STAG1: variants seen among roughly 807,000 people sequenced by gnomAD.
STAG1 encodes the protein cohesin subunit SA-1.
A neutral mutation model predicts 170.9 loss-of-function variants in STAG1; 26 were observed. The ratio of observed to expected loss-of-function variants is 0.15; its 90% CI spans 0.11 to 0.21. The LOEUF (loss-of-function observed/expected upper bound fraction) is 0.21. STAG1 is among the 10% of genes least tolerant of loss of function. The pLI is 1.00. For missense variants in STAG1, 964 were observed against 1,509.5 expected (o/e 0.64, Z 5.99); for synonymous variants, 514 against 497.7 (o/e 1.03, Z -0.44).
At chr3:136,508,464 G>A (rs1933879884) in intron 7 of STAG1, among the ~76,000 whole-genome samples, 1 of 152,156 alleles carries the variant, frequency 6.6e-6, no homozygotes, top group African/African-American at 2.4e-5. Context: ...GAGGTGAAAG[G>A]ATGACTTGAG....
At chr3:136,701,572 A>G (rs1449257249) in intron 1 of STAG1, among the ~76,000 whole-genome samples, 1 of 152,204 alleles carries the variant, frequency 6.6e-6, no homozygotes, top group African/African-American at 2.4e-5. Context: ...TCTGCCACTT[A>G]ACAGCCGGTA....
chr3:136,719,793 T>C (rs979875045), intron 1 of STAG1, among the ~76,000 whole-genome samples: 1 of 152,036 alleles, frequency 6.6e-6, no homozygotes, highest in Admixed American at 6.6e-5. Context: ...TCCATACTCT[T>C]CCTAGATGCA....
chr3:136,561,846 G>C (rs1181927526), intron 5 of STAG1, among the ~76,000 whole-genome samples: 1 of 143,822 alleles, frequency 7.0e-6, no homozygotes, highest in Non-Finnish European at 1.5e-5. Context: ...TTTGTACTTT[G>C]ACATAATTTT....
At chr3:136,465,385 A>T (rs1391068774) in intron 12 of STAG1, among the ~76,000 whole-genome samples, 1 of 151,546 alleles carries the variant, frequency 6.6e-6, no homozygotes, top group Non-Finnish European at 1.5e-5. Context: ...ACGCTCAGCT[A>T]ATTTTTTGTA....
intron 1 of STAG1, among the ~76,000 whole-genome samples, chr3:136,743,842 A>T (rs1934801165): frequency 6.6e-6 from 1 of 152,234 alleles, no homozygotes; most frequent in Admixed American, 6.5e-5. Flanking sequence ...TCAAAATAAT[A>T]GTAAATACAA....
chr3:136,472,531 A>C, intron 11 of STAG1, 39 bp from the exon 12 acceptor site: 1 of 1,424,506 alleles, frequency 7.0e-7, no homozygotes, highest in Non-Finnish European at 9.9e-7. Flanking sequence ...AACTATGAAC[A>C]GAAAATAAGC....
At chr3:136,567,618 T>C (rs1937131084) in intron 5 of STAG1, among the ~76,000 whole-genome samples, 1 of 152,222 alleles carries the variant, frequency 6.6e-6, no homozygotes, top group South Asian at 2.1e-4. Context: ...TCCCACAGTG[T>C]CTTGTGGCTG....
chr3:136,648,400 A>G (rs899032186), intron 1 of STAG1, among the ~76,000 whole-genome samples: 23 of 152,230 alleles, frequency 1.5e-4, no homozygotes, highest in Non-Finnish European at 2.8e-4. Context: ...GGTTGTTAAC[A>G]TTAATTTTCA....
chr3:136,647,412 A>G (rs1223324216), intron 1 of STAG1, among the ~76,000 whole-genome samples: 3 of 152,084 alleles, frequency 2.0e-5, no homozygotes, highest in Admixed American at 2.0e-4. Flanking sequence ...TCTACTAAAA[A>G]TACAAAATTA....
chr3:136,540,983 A>G (rs1935875487), intron 6 of STAG1, among the ~76,000 whole-genome samples: 1 of 151,648 alleles, frequency 6.6e-6, no homozygotes, highest in African/African-American at 2.4e-5. Context: ...TTCCATTTTC[A>G]TACGTGAAGA....
chr3:136,583,209 A>G (rs1348566118), intron 4 of STAG1, among the ~76,000 whole-genome samples: 1 of 152,206 alleles, frequency 6.6e-6, no homozygotes, highest in Non-Finnish European at 1.5e-5. Context: ...GGGATATTGT[A>G]TATGCTTAAG....
chr3:136,421,916 T>A (rs1304811338), intron 19 of STAG1, among the ~76,000 whole-genome samples: 2 of 152,020 alleles, frequency 1.3e-5, no homozygotes, highest in East Asian at 3.9e-4. Flanking sequence ...TTTGGGAGGC[T>A]GAGGTGGGCG....
chr3:136,708,709 A>G (rs1454702027), intron 1 of STAG1, among the ~76,000 whole-genome samples: 1 of 152,190 alleles, frequency 6.6e-6, no homozygotes. Flanking sequence ...TAGGCTTACT[A>G]TGTTGGTATT....
chr3:136,438,523 T>C (rs1040655279), intron 15 of STAG1, among the ~76,000 whole-genome samples: 5 of 152,066 alleles, frequency 3.3e-5, no homozygotes, highest in Admixed American at 1.3e-4. Context: ...CCGTGCCTGG[T>C]TGCCTTATCA....
At chr3:136,476,714 A>T (rs2089759578) in intron 10 of STAG1, among the ~76,000 whole-genome samples, 2 of 152,156 alleles carry the variant, frequency 1.3e-5, no homozygotes, top group African/African-American at 4.8e-5. Flanking sequence ...ATATACTCTA[A>T]TATTATTTCT....
chr3:136,507,001 CCAGT>C lies in STAG1; in HGVS notation c.677-4226_677-4223del, dbSNP rs1292128536. 8.5e-5 allele frequency among the ~76,000 whole-genome samples: 13 copies of C among 152,250 alleles called. No homozygotes were observed. In the East Asian group the frequency reaches 2.1e-3, roughly 25 times the overall value. On this transcript the variant is annotated intron_variant, in intron 7 of 33. Transcript: ENST00000383202. ...AGAATGTATTATTTATTTTTACTTG[CCAGT>C]CACTCTTCCAAGCCGTATAAACATA...
chr3:136,375,876 A>C (rs1937571048), intron 23 of STAG1, among the ~76,000 whole-genome samples: 2 of 151,548 alleles, frequency 1.3e-5, no homozygotes, highest in Non-Finnish European at 2.9e-5. Context: ...AGGCTGAGAC[A>C]GGGAATTGCT....
intron 22 of STAG1, among the ~76,000 whole-genome samples, chr3:136,383,280 GAGAAAA>G (rs534938286): frequency 6.8e-4 from 103 of 152,016 alleles, no homozygotes; most frequent in African/African-American, 2.4e-3. Flanking sequence ...TAATATTCAA[GAGAAAA>G]AGAAAAAGAA....
chr3:136,466,714 A>G (rs1282077696), intron 12 of STAG1, among the ~76,000 whole-genome samples: 1 of 152,152 alleles, frequency 6.6e-6, no homozygotes, highest in Non-Finnish European at 1.5e-5. Context: ...GATTCACCAA[A>G]GTTGAAATGA....
Sources: gnomAD v4.1 joint callset for allele counts (sites outside exome capture counted in the v4.1 genomes callset) on GRCh38, gnomAD v4.1.1 for gene constraint, MANE v1.5 for transcripts, NCBI Gene and HGNC (gene_info 2026-07-23, HGNC 2026-07-21) for gene names.